The following STK3 variants were observed in gnomAD, a reference collection of about 807,000 sequenced individuals.
The protein encoded by STK3 is serine/threonine kinase 3, also known as serine/threonine-protein kinase 3.
STK3 carries 41 observed loss-of-function variants against 58.0 expected under a neutral mutation model. The observed-to-expected ratio is 0.71, with a 90% CI of 0.55 to 0.92. STK3 has a LOEUF of 0.92. Ranked by LOEUF, STK3 falls within the 40% of genes least tolerant of loss-of-function variation. The probability of loss-of-function intolerance (pLI) is 0.00; values close to 1 mark genes in which losing one functional copy is unlikely to be tolerated. For synonymous variants in STK3, 170 were observed against 191.0 expected, an observed-to-expected ratio of 0.89 and a Z score of 0.91; for missense variants, 479 against 602.7, an observed-to-expected ratio of 0.79 and a Z score of 2.15.
At chr8:98,837,778 A>G (rs947943220) in intron 3 of STK3, among the ~76,000 whole-genome samples, 4 of 152,152 alleles carry the variant, frequency 2.6e-5, no homozygotes, top group Non-Finnish European at 5.9e-5. Context: ...AAAAAAATGT[A>G]AAAGTCAACT....
At chr8:98,430,935 A>G (rs1344239052) in intron 3 of STK3, 1 of 167,094 alleles carries the variant, frequency 6.0e-6, no homozygotes, top group Non-Finnish European at 1.5e-5. Flanking sequence ...CCAGCACATA[A>G]CATTGTGATG....
At chr8:98,604,534 T>C (rs1816619375) in intron 6 of STK3, among the ~76,000 whole-genome samples, 1 of 152,206 alleles carries the variant, frequency 6.6e-6, no homozygotes, top group South Asian at 2.1e-4. Context: ...TCTAACCCCA[T>C]ATTTCCCTCT....
rs139545877 is a variant in STK3 at position 98,691,648 on chromosome 8, C to G, written c.684+14819G>C. ...AAGCCCAATTTAAAAATGGGCAAAGCAGCACCGGGCGCAGTGGCTCAAAAC... is the reference window on the plus strand; with the variant it reads ...AAGCCCAATTTAAAAATGGGCAAAGGAGCACCGGGCGCAGTGGCTCAAAAC... On this transcript the variant is annotated intron_variant, in intron 6 of 10. Transcript: ENST00000419617. Among the ~76,000 whole-genome samples, 1,405 of 152,136 alleles carry G rather than the reference C, an allele frequency of 9.2e-3. 16 individuals are homozygous for G. Among genetic ancestry groups the G allele is most frequent in the African/African-American group, 0.032 (1,328 of 41,516 alleles).
chr8:98,515,330 T>C (rs1824843238), intron 10 of STK3, among the ~76,000 whole-genome samples: 1 of 152,138 alleles, frequency 6.6e-6, no homozygotes, highest in South Asian at 2.1e-4. Flanking sequence ...TACTGCATCA[T>C]ATCCAATACT....
intron 6 of STK3, among the ~76,000 whole-genome samples, chr8:98,599,400 T>C (rs774065434): frequency 3.9e-5 from 6 of 152,136 alleles, no homozygotes; most frequent in Non-Finnish European, 8.8e-5. Context: ...AAAAACTGGC[T>C]TGAGTTCTAA....
intron 6 of STK3, among the ~76,000 whole-genome samples, chr8:98,626,982 G>C (rs899176692): frequency 2.0e-5 from 3 of 152,164 alleles, no homozygotes; most frequent in Admixed American, 6.5e-5. Context: ...AGAATGTAGA[G>C]AGAAAAGATT....
At chr8:98,918,733 C>T (rs1039361344) in intron 1 of STK3, among the ~76,000 whole-genome samples, 9 of 152,088 alleles carry the variant, frequency 5.9e-5, no homozygotes, top group African/African-American at 2.2e-4. Flanking sequence ...TGCACCACTA[C>T]ACTCTAGCCT....
At chr8:98,577,823 G>A (rs1391277160) in intron 8 of STK3, among the ~76,000 whole-genome samples, 2 of 152,082 alleles carry the variant, frequency 1.3e-5, no homozygotes, top group Admixed American at 6.6e-5. Flanking sequence ...GGGGGTACAT[G>A]ATATTTAAAG....
intron 6 of STK3, among the ~76,000 whole-genome samples, chr8:98,705,394 C>A (rs1314893463): frequency 6.7e-6 from 1 of 148,858 alleles, no homozygotes; most frequent in Non-Finnish European, 1.5e-5. Context: ...GGCTGGGTGA[C>A]AGAGTGAGAC....
intron 6 of STK3, among the ~76,000 whole-genome samples, chr8:98,679,014 C>T (rs555444727): frequency 2.0e-5 from 3 of 152,252 alleles, no homozygotes; most frequent in South Asian, 2.1e-4. Context: ...CTCTCATATA[C>T]CTAATCCATC....
chr8:98,908,864 A>G (rs1467365714), intron 1 of STK3, among the ~76,000 whole-genome samples: 1 of 148,062 alleles, frequency 6.8e-6, no homozygotes, highest in Non-Finnish European at 1.5e-5. Flanking sequence ...AAAAAAAAAA[A>G]GAAAAACAAG....
At chr8:98,766,293 G>C (rs2131439135) in intron 3 of STK3, among the ~76,000 whole-genome samples, 1 of 152,220 alleles carries the variant, frequency 6.6e-6, no homozygotes. Flanking sequence ...CTTAGATCCT[G>C]GCACAGTACC....
intron 9 of STK3, among the ~76,000 whole-genome samples, chr8:98,529,247 G>C (rs1825970593): frequency 6.6e-6 from 1 of 151,946 alleles, no homozygotes; most frequent in Non-Finnish European, 1.5e-5. Flanking sequence ...TGGCAAATCA[G>C]AGAGTCCGGA....
At chr8:98,636,276 C>A (rs985406432) in intron 6 of STK3, among the ~76,000 whole-genome samples, 9 of 152,050 alleles carry the variant, frequency 5.9e-5, no homozygotes, top group African/African-American at 2.2e-4. Flanking sequence ...AGCTAGGATT[C>A]TACCACTGCA....
intron 6 of STK3, among the ~76,000 whole-genome samples, chr8:98,635,863 C>A (rs1819579202): frequency 6.6e-6 from 1 of 151,930 alleles, no homozygotes; most frequent in Non-Finnish European, 1.5e-5. Flanking sequence ...GATTGCTGAA[C>A]CCCTACTTCA....
intron 1 of STK3, among the ~76,000 whole-genome samples, chr8:98,896,246 C>T (rs1838440594): frequency 6.6e-6 from 1 of 152,162 alleles, no homozygotes; most frequent in African/African-American, 2.4e-5. Context: ...CCTAAAGCAT[C>T]AAATTCACGA....
chr8:98,652,229 C>T (rs1356847123), intron 6 of STK3, among the ~76,000 whole-genome samples: 1 of 152,252 alleles, frequency 6.6e-6, no homozygotes, highest in East Asian at 1.9e-4. Flanking sequence ...TCCAGCCAAA[C>T]TAAGCTTCAT....
chr8:98,464,888 G>A (rs941644391), intron 10 of STK3, among the ~76,000 whole-genome samples: 1 of 152,082 alleles, frequency 6.6e-6, no homozygotes, highest in African/African-American at 2.4e-5. Context: ...ATCCTGTTCT[G>A]AGCTGAGAGG....
chr8:98,793,812 T>C (rs2131590940), intron 1 of STK3, among the ~76,000 whole-genome samples: 1 of 151,160 alleles, frequency 6.6e-6, no homozygotes, highest in East Asian at 1.9e-4. Context: ...ATGTCTCAAT[T>C]AATTCAAAAA....
Sources: allele counts gnomAD v4.1 joint callset (sites outside exome capture counted in the v4.1 genomes callset), GRCh38; gene constraint gnomAD v4.1.1; transcripts MANE v1.5; gene names NCBI Gene and HGNC (gene_info 2026-07-23, HGNC 2026-07-21).